The following GLI3 variants were observed in gnomAD, a reference collection of about 807,000 sequenced individuals.
The protein encoded by GLI3 is transcription activator GLI3.
A neutral mutation model predicts 100.8 loss-of-function variants in GLI3; 20 were observed. The ratio of observed to expected loss-of-function variants is 0.20; its 90% CI spans 0.14 to 0.29. GLI3 has a LOEUF of 0.29. Among genes scored for constraint, GLI3 ranks in the 10% least tolerant of loss-of-function variants. The pLI, the probability that GLI3 is intolerant of heterozygous loss-of-function variation, is 1.00. For synonymous variants in GLI3, 938 were observed against 860.5 expected (o/e 1.09, Z -1.58); for missense variants, 2,040 against 2,128.5 (o/e 0.96, Z 0.82).
intron 4 of GLI3, among the ~76,000 whole-genome samples, chr7:42,058,419 T>A (rs1468857101): frequency 6.6e-6 from 1 of 152,242 alleles, no homozygotes; most frequent in African/African-American, 2.4e-5. Flanking sequence ...TTTAAAAGGA[T>A]ACATGCCAAA....
chr7:42,114,909 C>A (rs868417953), intron 3 of GLI3, among the ~76,000 whole-genome samples: 3 of 151,874 alleles, frequency 2.0e-5, no homozygotes, highest in Non-Finnish European at 4.4e-5. Flanking sequence ...ACCATGTTAG[C>A]CAGGCTGATC....
intron 9 of GLI3, among the ~76,000 whole-genome samples, chr7:42,024,811 A>G (rs1562690978): frequency 6.6e-6 from 1 of 152,280 alleles, no homozygotes; most frequent in East Asian, 1.9e-4. Flanking sequence ...GCTCTCCTAG[A>G]AAGTGGGAAG....
rs986316715 is a variant in GLI3, at chr7:41,961,817, C to T, written c.*2513G>A. The T allele has an allele frequency of 6.6e-6, 1 of 152,176 alleles. No individual in the cohort carries two copies. The highest frequency in any genetic ancestry group is 1.5e-5 in the Non-Finnish European group (1 of 68,066). 9.4% of individuals were successfully genotyped at this position (152,176 alleles called of 1,614,324 possible). On this transcript the variant is annotated 3_prime_UTR_variant, in exon 15 of 15. Transcript: ENST00000395925. ...AAAGACCTTCCTTCCACTGGACTGC[C>T]ACAACAGATCACTGAAATTCTGGAG...
intron 2 of GLI3, among the ~76,000 whole-genome samples, chr7:42,222,233 A>C (rs1431835905): frequency 6.6e-6 from 1 of 152,238 alleles, no homozygotes; most frequent in Non-Finnish European, 1.5e-5. Flanking sequence ...GAATATAGAA[A>C]ATATAAGAAT....
intron 13 of GLI3, among the ~76,000 whole-genome samples, chr7:41,970,125 C>G (rs1191472928): frequency 6.6e-6 from 1 of 151,706 alleles, no homozygotes; most frequent in African/African-American, 2.4e-5. Flanking sequence ...GAAAACAAAA[C>G]AAAAAGGACA....
intron 7 of GLI3, 31 bp from the exon 8 acceptor site, chr7:42,026,443 T>C (rs1422649033): frequency 6.6e-7 from 1 of 1,519,602 alleles, no homozygotes; most frequent in Admixed American, 1.7e-5. Context: ...AAGACGATCA[T>C]CACTTAAACG....
chr7:42,160,492 T>C (rs1787107794), intron 2 of GLI3, among the ~76,000 whole-genome samples: 1 of 152,212 alleles, frequency 6.6e-6, no homozygotes, highest in Non-Finnish European at 1.5e-5. Flanking sequence ...TCTAATAATT[T>C]TGTGTATGAA....
intron 3 of GLI3, among the ~76,000 whole-genome samples, chr7:42,114,428 G>A (rs1382142954): frequency 3.4e-5 from 5 of 144,958 alleles, no homozygotes; most frequent in South Asian, 2.1e-4. Flanking sequence ...AGCTAGGTAC[G>A]GTTTGGCTTG....
intron 2 of GLI3, among the ~76,000 whole-genome samples, chr7:42,217,049 G>A (rs1433421990): frequency 6.6e-6 from 1 of 152,204 alleles, no homozygotes. Context: ...AATTTGGCAG[G>A]AGCAAGTCCC....
At chr7:42,028,624 C>A (rs1489787400) in intron 7 of GLI3, among the ~76,000 whole-genome samples, 3 of 151,924 alleles carry the variant, frequency 2.0e-5, no homozygotes, top group African/African-American at 7.3e-5. Flanking sequence ...ATTAGCCAGG[C>A]GTGATGGCAT....
chr7:42,151,757 T>C (rs1363372677), intron 2 of GLI3: 2 of 152,242 alleles, frequency 1.3e-5, no homozygotes, highest in Non-Finnish European at 2.9e-5. Context: ...TCTCTTTTCA[T>C]ATCCATGCTC....
intron 2 of GLI3, among the ~76,000 whole-genome samples, chr7:42,205,088 C>G (rs1385912540): frequency 6.6e-5 from 10 of 152,200 alleles, no homozygotes; most frequent in Non-Finnish European, 1.5e-4. Context: ...GCTGGAATTA[C>G]ACCTCAGACG....
At chr7:42,001,746 T>TA (rs1788301973) in intron 10 of GLI3, among the ~76,000 whole-genome samples, 2 of 151,694 alleles carry the variant, frequency 1.3e-5, no homozygotes, top group Admixed American at 1.3e-4. Flanking sequence ...AATAAACATA[T>TA]AAAATAATAA....
chr7:42,160,974 A>G, intron 2 of GLI3, among the ~76,000 whole-genome samples: 1 of 152,216 alleles, frequency 6.6e-6, no homozygotes, highest in East Asian at 1.9e-4. Flanking sequence ...AACATTTACT[A>G]GACAAGTATG....
At chr7:42,073,960 AT>A (rs1784831094) in intron 4 of GLI3, among the ~76,000 whole-genome samples, 1 of 152,144 alleles carries the variant, frequency 6.6e-6, no homozygotes, top group African/African-American at 2.4e-5. Flanking sequence ...TGCTTTTAAG[AT>A]TTCTATAACC....
rs1399115542 is a variant in GLI3 at position 42,200,818 on chromosome 7, G to T, written c.124+22312C>A. On this transcript the variant is annotated intron_variant, in intron 2 of 14. Coordinates refer to ENST00000395925, the MANE Select transcript of GLI3 (RefSeq NM_000168.6). ...CAAAACTTTTCAGAAAAAAAAAATA[G>T]GCATTTATATGTGGATTGGTTAAAC... is the stretch of plus-strand genomic sequence containing the variant. 2.0e-5 allele frequency among the ~76,000 whole-genome samples: 3 copies of T among 150,578 alleles called. No individual in the cohort carries two copies. In the South Asian group the frequency reaches 6.3e-4, roughly 32 times the overall value.
intron 13 of GLI3, among the ~76,000 whole-genome samples, chr7:41,968,924 T>A (rs1047973948): frequency 1.3e-5 from 2 of 152,192 alleles, no homozygotes; most frequent in East Asian, 3.9e-4. Flanking sequence ...GAGTAGACTC[T>A]ATAAGACAAT....
intron 3 of GLI3, among the ~76,000 whole-genome samples, chr7:42,112,445 T>C (rs979681092): frequency 6.6e-6 from 1 of 152,152 alleles, no homozygotes; most frequent in Non-Finnish European, 1.5e-5. Context: ...CAATAACTTA[T>C]TATATATTTT....
intron 1 of GLI3, among the ~76,000 whole-genome samples, chr7:42,253,792 G>A (rs754554207): frequency 3.9e-5 from 6 of 152,148 alleles, no homozygotes; most frequent in African/African-American, 9.7e-5. Context: ...TGATTGTTAC[G>A]CTAAGATCCT....
Sources: gnomAD v4.1 joint callset for allele counts (sites outside exome capture counted in the v4.1 genomes callset) on GRCh38, gnomAD v4.1.1 for gene constraint, MANE v1.5 for transcripts, NCBI Gene and HGNC (gene_info 2026-07-23, HGNC 2026-07-21) for gene names.